Variants in SIMC1 observed in about 807,000 individuals in gnomAD.
The protein encoded by SIMC1 is SUMO-interacting motif-containing protein 1.
In SIMC1, 55 loss-of-function variants were observed where a neutral mutation model predicts 82.3. The observed-to-expected ratio is 0.67, with a 90% confidence interval of 0.54 to 0.84. The LOEUF is 0.84. SIMC1 is among the 40% of genes least tolerant of loss of function. The pLI, the probability that SIMC1 is intolerant of heterozygous loss-of-function variation, is 0.00. For missense variants in SIMC1, 915 were observed against 1,107.2 expected (o/e 0.83, Z 2.46); for synonymous variants, 353 against 426.3 (o/e 0.83, Z 2.12).
intron 1 of SIMC1, among the ~76,000 whole-genome samples, chr5:176,279,563 G>C (rs1252880660): frequency 6.7e-6 from 1 of 150,358 alleles, no homozygotes; most frequent in Non-Finnish European, 1.5e-5. Context: ...TAATTGTGAT[G>C]TTAGGGTGTC....
chr5:176,290,217 A>G lies in SIMC1; in HGVS notation c.693A>G (p.Arg231=), dbSNP rs1763487637. The G allele has an allele frequency of 6.2e-7, 1 of 1,612,558 alleles. No homozygotes were observed. Among genetic ancestry groups the G allele is most frequent in the Admixed American group, 1.7e-5 (1 of 59,882 alleles). Residue 231 remains arginine (R), a synonymous_variant, in exon 2 of 10, where the codon AGA becomes AGG. Transcript: ENST00000429602. ...CPLRPLPCPP[R]ASPCPPRASS... ...TGCGACCTTTGCCATGCCCACCGAG[A>G]GCCTCACCATGTCCACCACGAGCCT...
intron 1 of SIMC1, among the ~76,000 whole-genome samples, chr5:176,281,657 T>C (rs1763013238): frequency 1.3e-5 from 2 of 152,220 alleles, no homozygotes; most frequent in African/African-American, 4.8e-5. Context: ...GACAGGACCC[T>C]CAGCTGCAGG....
intron 7 of SIMC1, among the ~76,000 whole-genome samples, chr5:176,334,119 A>T (rs1765785942): frequency 6.6e-6 from 1 of 152,102 alleles, no homozygotes; most frequent in Non-Finnish European, 1.5e-5. Context: ...TAATTCCAAC[A>T]TGTATGTCAC....
chr5:176,263,469 G>A, intron 1 of SIMC1: 1 of 1,546,798 alleles, frequency 6.5e-7, no homozygotes, highest in Non-Finnish European at 8.7e-7. Flanking sequence ...ACCTCAGGAA[G>A]CTTCCAACCA....
chr5:176,308,429 T>G (rs1253075474), intron 4 of SIMC1: 1 of 1,607,734 alleles, frequency 6.2e-7, no homozygotes, highest in African/African-American at 1.3e-5. Flanking sequence ...GCTGGTATCA[T>G]TCCCATCCTC....
At chr5:176,271,049 TCA>T (rs1295662871) in intron 1 of SIMC1, among the ~76,000 whole-genome samples, 2 of 152,062 alleles carry the variant, frequency 1.3e-5, no homozygotes, top group African/African-American at 4.8e-5. Context: ...GCAGCACAAC[TCA>T]CAGCACCGGG....
chr5:176,322,340 C>G lies in SIMC1; in HGVS notation c.1957C>G (p.Gln653Glu). 1 of 1,595,088 alleles carries G rather than the reference C, an allele frequency of 6.3e-7. No homozygotes were observed. ...DGLTQPPNGN[Q>E]TSSGTGILKA... Reference sequence around the variant, plus strand: ...ATTGACTCAGCCCCCAAATGGAAATCAAACGTCTTCAGGAACAGGAATCTT... The same window carrying G: ...ATTGACTCAGCCCCCAAATGGAAATGAAACGTCTTCAGGAACAGGAATCTT... The change falls in exon 6 of 10, where the codon CAA becomes GAA. Residue 653 changes from glutamine (Q) to glutamate (E), a missense_variant. Coordinates refer to ENST00000429602, the MANE Select transcript of SIMC1 (RefSeq NM_001308195.2).
In SIMC1 at chr5:176,345,224, A is replaced by G; in HGVS notation, c.2455A>G (p.Ile819Val). ...SSVIDRKDLI[I>V]KRIKPKPQQG... is the part of the protein sequence containing the mutation. ...CGTGATCGACCGAAAGGACTTAATA[A>G]TCAAAAGGATTAAGCCCAAACCCCA... is the stretch of plus-strand genomic sequence containing the variant. The change falls in exon 10 of 10, where the codon ATC becomes GTC. Residue 819 changes from isoleucine to valine, a missense_variant. By Grantham distance (29) the Ile-to-Val change is conservative. Around this residue, in one of 2 missense-constraint regions of SIMC1, gnomAD observed 902 missense variants for 1,040.3 expected, o/e 0.87. Coordinates refer to ENST00000429602, the MANE Select transcript of SIMC1 (RefSeq NM_001308195.2). The G allele has an allele frequency of 2.5e-6, 4 of 1,614,008 alleles. No homozygotes were observed. The highest frequency in any genetic ancestry group is 3.4e-6 in the Non-Finnish European group (4 of 1,179,880).
chr5:176,344,745 G>T (rs1228147075), intron 9 of SIMC1, among the ~76,000 whole-genome samples: 1 of 152,054 alleles, frequency 6.6e-6, no homozygotes, highest in African/African-American at 2.4e-5. Context: ...CCAAGGGGAT[G>T]GTGCTCAACC....
chr5:176,339,357 C>CT, intron 9 of SIMC1, among the ~76,000 whole-genome samples: 1 of 152,142 alleles, frequency 6.6e-6, no homozygotes, highest in African/African-American at 2.4e-5. Context: ...GAGTGAGACT[C>CT]TGTCTCAAAA....
rs867488681 is a variant in SIMC1, at chr5:176,304,500, C to G, written c.1734+8180C>G. ...TCGTTCACTCAGTGCTCAATGGTGC[C>G]CAGGCTGGAGTGCAGTGGCGTGATC... On this transcript the variant is annotated intron_variant, in intron 4 of 9. Coordinates refer to ENST00000429602, the MANE Select transcript of SIMC1 (RefSeq NM_001308195.2). The G allele has an allele frequency of 2.9e-3, 465 of 161,112 alleles. 1 individual carries two copies. Among genetic ancestry groups the G allele is most frequent in the Middle Eastern group, 9.3e-3 (3 of 324 alleles). 10.0% of individuals were successfully genotyped at this position (161,112 alleles called of 1,614,324 possible). A position where few individuals can be genotyped will look rare whatever the true frequency, so the allele number is the denominator to read the frequency against.
intron 4 of SIMC1, among the ~76,000 whole-genome samples, chr5:176,310,993 A>G (rs1410756471): frequency 1.3e-5 from 2 of 152,254 alleles, no homozygotes; most frequent in African/African-American, 2.4e-5. Context: ...TACATATTAT[A>G]TGATTCTATT....
chr5:176,323,964 G>A (rs1402084348), intron 6 of SIMC1, among the ~76,000 whole-genome samples: 1 of 151,148 alleles, frequency 6.6e-6, no homozygotes, highest in Non-Finnish European at 1.5e-5. Context: ...CTCCAGCCTG[G>A]GCGACAGAGC....
At chr5:176,285,930 G>T (rs1310247941) in intron 1 of SIMC1, among the ~76,000 whole-genome samples, 1 of 152,194 alleles carries the variant, frequency 6.6e-6, no homozygotes, top group African/African-American at 2.4e-5. Context: ...ACTTACAAGG[G>T]ATGTGAAGGA....
chr5:176,312,597 G>T (rs1203235728), intron 4 of SIMC1, among the ~76,000 whole-genome samples: 1 of 149,642 alleles, frequency 6.7e-6, no homozygotes, highest in African/African-American at 2.5e-5. Flanking sequence ...AAAAGCATTT[G>T]CATCAGTTAT....
In SIMC1 at chr5:176,289,735, G is replaced by A; in HGVS notation, c.211G>A (p.Glu71Lys). The change falls in exon 2 of 10, where the codon GAG (glutamate) becomes AAG (lysine). Residue 71 changes from glutamate to lysine, a missense_variant. Physicochemically the swap from Glu to Lys is moderately conservative, Grantham distance 56 (BLOSUM62 1). Around this residue, in one of 2 missense-constraint regions of SIMC1, gnomAD observed 902 missense variants for 1,040.3 expected, o/e 0.87. Transcript: ENST00000429602. ...GTATGTGATTGACCTGACAAGAGCT[G>A]AGGGAGAAAATAGACCTATTGCCAC... ...GLYVIDLTRAEGENRPIATLD... is the reference protein window; with the variant it reads ...GLYVIDLTRAKGENRPIATLD... 6.2e-7 allele frequency: 1 copy of A among 1,613,672 alleles called. No individual in the cohort carries two copies. Among genetic ancestry groups the A allele is most frequent in the Non-Finnish European group, 8.5e-7 (1 of 1,179,736 alleles).
intron 4 of SIMC1, among the ~76,000 whole-genome samples, chr5:176,309,945 C>T (rs566898286): frequency 2.0e-5 from 3 of 151,986 alleles, no homozygotes; most frequent in East Asian, 3.9e-4. Flanking sequence ...AAAAAAAAGG[C>T]CACAAAAACT....
intron 1 of SIMC1, among the ~76,000 whole-genome samples, chr5:176,279,398 A>G (rs180807268): frequency 2.6e-5 from 4 of 151,820 alleles, no homozygotes; most frequent in East Asian, 3.9e-4. Context: ...CGGTCTATCA[A>G]TTTTGTTGAT....
At chr5:176,282,338 C>G (rs1162454412) in intron 1 of SIMC1, among the ~76,000 whole-genome samples, 2 of 152,214 alleles carry the variant, frequency 1.3e-5, no homozygotes, top group African/African-American at 4.8e-5. Context: ...GTCTGTCACC[C>G]CTTTCTTTGA....
Sources: allele counts gnomAD v4.1 joint callset (sites outside exome capture counted in the v4.1 genomes callset), GRCh38; gene constraint gnomAD v4.1.1; regional missense constraint gnomAD v4.1.1; transcripts MANE v1.5; gene names NCBI Gene and HGNC (gene_info 2026-07-23, HGNC 2026-07-21).